The following ERAP2 variants were observed in gnomAD, a reference collection of about 807,000 sequenced individuals.
The protein encoded by ERAP2 is endoplasmic reticulum aminopeptidase 2.
In ERAP2, 118 loss-of-function variants were observed where a neutral mutation model predicts 111.1. The observed-to-expected ratio is 1.06, with a 90% CI of 0.92 to 1.24. The LOEUF (loss-of-function observed/expected upper bound fraction) is 1.24, where lower values mean the gene tolerates loss of function less well. Among genes scored for constraint, ERAP2 ranks in the 50% most tolerant of loss-of-function variants. The probability of loss-of-function intolerance (pLI) is 0.00; values close to 1 mark genes in which losing one functional copy is unlikely to be tolerated. For missense variants in ERAP2, 1,131 were observed against 1,125.8 expected, an observed-to-expected ratio of 1.00 and a Z score of -0.07; for synonymous variants, 410 against 401.2, an observed-to-expected ratio of 1.02 and a Z score of -0.26.
rs373623665 is a variant in ERAP2, at chr5:96,891,499, GTATA to G, written c.971-786_971-783del. Reference sequence around the variant, plus strand: ...TATATATATATGTGTGTGTGTGTGTGTATATATATATATATATGCCCATATACGG... The same window carrying G: ...TATATATATATGTGTGTGTGTGTGTGTATATATATATATGCCCATATACGG... On this transcript the variant is annotated intron_variant, in intron 5 of 18. Transcript: ENST00000437043. 1.0e-3 allele frequency among the ~76,000 whole-genome samples: 144 copies of G among 140,062 alleles called. 2 individuals carry two copies. Among genetic ancestry groups the G allele is most frequent in the African/African-American group, 3.0e-3 (109 of 36,700 alleles). The allele number at this position is 140,062 out of a possible 152,430, so 91.9% of individuals were successfully genotyped here.
rs1784764272 is a variant in ERAP2 at position 96,895,281 on chromosome 5, T to A, written c.1161T>A (p.Asn387Lys). The A allele has an allele frequency of 1.9e-6, 3 of 1,612,760 alleles. No individual in the cohort carries two copies. The highest frequency in any genetic ancestry group is 2.5e-6 in the Non-Finnish European group (3 of 1,179,324). The change falls in exon 7 of 19, where the codon AAT becomes AAA. Residue 387 changes from asparagine to lysine, a missense_variant. Asn to Lys is a moderately conservative substitution (Grantham distance 94, BLOSUM62 0). This residue lies in a region of ERAP2 where 847 missense variants were observed against 856.5 expected (regional missense o/e 0.99). Transcript: ENST00000437043. ...FGNLVTMEWW[N>K]DIWLKEGFAK... ...ACCTGGTCACAATGGAATGGTGGAA[T>A]GATATTTGGCTTAAGGAGGGTTTTG... is the stretch of plus-strand genomic sequence containing the variant.
intron 9 of ERAP2, 82 bp downstream of exon 9, chr5:96,896,945 TA>T: frequency 7.2e-7 from 1 of 1,391,794 alleles, no homozygotes; most frequent in African/African-American, 1.5e-5. Context: ...TAAATAGCTA[TA>T]TATTGTCAGT....
chr5:96,892,811 G>A (rs1784514098), intron 6 of ERAP2, among the ~76,000 whole-genome samples: 1 of 152,108 alleles, frequency 6.6e-6, no homozygotes, highest in Non-Finnish European at 1.5e-5. Flanking sequence ...TATATCCCCT[G>A]GTACTCTGGC....
chr5:96,881,299 A>C (rs1783103751), intron 2 of ERAP2: 1 of 407,638 alleles, frequency 2.5e-6, no homozygotes, highest in Non-Finnish European at 4.9e-6. Context: ...AGTGATGCTA[A>C]TTTGGGCCAG....
Position 96,883,909 on chromosome 5 carries a change from T to G in ERAP2, c.693T>G (p.Ile231Met), listed in dbSNP as rs1364047890. Residue 231 changes from isoleucine to methionine, a missense_variant, in exon 3 of 19, where the codon ATT becomes ATG. This residue lies in a region of ERAP2 where 847 missense variants were observed against 856.5 expected (regional missense o/e 0.99). Transcript: ENST00000437043. ...AGATACGAAGAGAGAGCAGGCATAT[T>G]GCACTATCCAACATGCCAAAGGTAT... Reference protein sequence around the residue: ...SIKIRRESRHIALSNMPKVKT... With the variant: ...SIKIRRESRHMALSNMPKVKT... The G allele has an allele frequency of 1.2e-6, 2 of 1,611,440 alleles. No individual in the cohort carries two copies. Among genetic ancestry groups the G allele is most frequent in the Non-Finnish European group, 1.7e-6 (2 of 1,179,080 alleles).
At chr5:96,910,341 T>C (rs929921801) in intron 15 of ERAP2, 19 of 152,120 alleles carry the variant, frequency 1.2e-4, no homozygotes, top group African/African-American at 4.6e-4. Flanking sequence ...TAACTAAATC[T>C]GTGAGCTTTT....
At position 96,913,332 on chromosome 5, in the gene ERAP2, A is replaced by G; in HGVS notation, c.2532A>G (p.Gly844=). The change falls in exon 17 of 19, where the codon GGA becomes GGG. Residue 844 remains glycine, a synonymous_variant. Transcript: ENST00000437043. ...QEKLLKLIEL[G]MEGKVIKTQN... ...CTTTCTTCAGGTTAATTGAACTAGG[A>G]ATGGAAGGAAAGGTTATCAAGACAC... The G allele has an allele frequency of 6.2e-7, 1 of 1,614,044 alleles. No homozygotes were observed. The highest frequency in any genetic ancestry group is 1.1e-5 in the South Asian group (1 of 91,074).
intron 9 of ERAP2, among the ~76,000 whole-genome samples, chr5:96,899,205 T>C (rs1367974099): frequency 2.0e-5 from 3 of 147,562 alleles, no homozygotes; most frequent in Admixed American, 6.9e-5. Flanking sequence ...ACCAAGTCAG[T>C]GAGAAAATCA....
chr5:96,903,590 A>T (rs1423568), intron 13 of ERAP2, 30 bp downstream of exon 13: 1 of 1,555,936 alleles, frequency 6.4e-7, no homozygotes. Context: ...GACTTCATGC[A>T]AAATAACTGA....
In ERAP2 at chr5:96,895,257, C is replaced by G; in HGVS notation, c.1137C>G (p.Asn379Lys). ...AHELAHQWFG[N>K]LVTMEWWNDI... ...TTTTTACCTCCTAGTGGTTTGGCAACCTGGTCACAATGGAATGGTGGAATG... is the reference window on the plus strand; with the variant it reads ...TTTTTACCTCCTAGTGGTTTGGCAAGCTGGTCACAATGGAATGGTGGAATG... Residue 379 changes from asparagine to lysine, a missense_variant, in exon 7 of 19, where the codon AAC (asparagine) becomes AAG (lysine). Transcript: ENST00000437043. 6.2e-7 allele frequency: 1 copy of G among 1,607,408 alleles called. No homozygotes were observed. Among genetic ancestry groups the G allele is most frequent in the Non-Finnish European group, 8.5e-7 (1 of 1,176,886 alleles).
chr5:96,913,280 C>G, intron 16 of ERAP2, 37 bp from the exon 17 acceptor site: 1 of 1,565,030 alleles, frequency 6.4e-7, no homozygotes, highest in South Asian at 1.1e-5. Flanking sequence ...GTACATAATA[C>G]CTACTATTTA....
chr5:96,879,971 A>G lies in ERAP2; in HGVS notation c.286A>G (p.Lys96Glu), dbSNP rs778973997. ...CTCTCTGGACTTTGTTGCATCTGAGAAGATCGAAGTCTTGGTCAGCAATGC... is the reference window on the plus strand; with the variant it reads ...CTCTCTGGACTTTGTTGCATCTGAGGAGATCGAAGTCTTGGTCAGCAATGC... ...LTSLDFVASE[K>E]IEVLVSNATQ... is the part of the protein sequence containing the mutation. Residue 96 changes from lysine (K) to glutamate (E), a missense_variant, in exon 2 of 19, where the codon AAG becomes GAG. Physicochemically the swap from Lys to Glu is moderately conservative, Grantham distance 56. This residue lies in a region of ERAP2 where 847 missense variants were observed against 856.5 expected (regional missense o/e 0.99). Coordinates refer to ENST00000437043, the MANE Select transcript of ERAP2 (RefSeq NM_022350.5). The G allele has an allele frequency of 1.2e-6, 2 of 1,614,178 alleles. No homozygotes were observed. The highest frequency in any genetic ancestry group is 3.3e-5 in the Admixed American group (2 of 60,012).
chr5:96,882,643 A>G (rs1338160664), intron 2 of ERAP2, among the ~76,000 whole-genome samples: 1 of 152,132 alleles, frequency 6.6e-6, no homozygotes, highest in East Asian at 1.9e-4. Flanking sequence ...TGTTTTTTCA[A>G]TGTAGACTTG....
chr5:96,888,333 G>A (rs1017481543), intron 4 of ERAP2, among the ~76,000 whole-genome samples: 1 of 152,106 alleles, frequency 6.6e-6, no homozygotes, highest in Non-Finnish European at 1.5e-5. Flanking sequence ...GCACTTCAGA[G>A]GACAGGTTCC....
chr5:96,899,633 C>T (rs189956783), intron 9 of ERAP2, among the ~76,000 whole-genome samples: 1 of 152,326 alleles, frequency 6.6e-6, no homozygotes, highest in African/African-American at 2.4e-5. Context: ...ATTGTACACT[C>T]ATCACATGCT....
chr5:96,902,364 A>T lies in ERAP2; in HGVS notation c.1828+11A>T, dbSNP rs752789546. 3.2e-6 allele frequency: 5 copies of T among 1,562,008 alleles called. No individual in the cohort carries two copies. The Admixed American group carries it at 8.4e-5, about 26-fold the overall frequency. On this transcript the variant is annotated intron_variant, in intron 12 of 18. Transcript: ENST00000437043. Reference sequence around the variant, plus strand: ...TAAAATCAAAGACAGGTAATGAACTAATTAGCCAAACAGGTATTTCAATGT... The same window carrying T: ...TAAAATCAAAGACAGGTAATGAACTTATTAGCCAAACAGGTATTTCAATGT...
chr5:96,896,530 A>C lies in ERAP2; in HGVS notation c.1371+26A>C, dbSNP rs193263683. On this transcript the variant is annotated intron_variant, in intron 8 of 18. Coordinates refer to ENST00000437043, the MANE Select transcript of ERAP2 (RefSeq NM_022350.5). ...GTAGTAAATATCAGGTGCAGGTGGAAGCTCTGCTTTCAGAAGTGTAATAAT... is the reference window on the plus strand; with the variant it reads ...GTAGTAAATATCAGGTGCAGGTGGACGCTCTGCTTTCAGAAGTGTAATAAT... 21 of 1,580,752 alleles carry C rather than the reference A, an allele frequency of 1.3e-5. No individual in the cohort carries two copies. The African/African-American group carries it at 3.2e-4, about 24-fold the overall frequency.
chr5:96,908,102 T>C (rs926247682), intron 13 of ERAP2, among the ~76,000 whole-genome samples: 4 of 152,220 alleles, frequency 2.6e-5, no homozygotes, highest in Non-Finnish European at 4.4e-5. Flanking sequence ...TTAAAACATG[T>C]ATAAGCCCAG....
intron 3 of ERAP2, among the ~76,000 whole-genome samples, chr5:96,886,400 C>A (rs368927274): frequency 2.0e-5 from 3 of 152,318 alleles, no homozygotes; most frequent in African/African-American, 7.2e-5. Context: ...TTTCAATCAA[C>A]AAAATGAGAT....
Sources: gnomAD v4.1 joint callset for allele counts (sites outside exome capture counted in the v4.1 genomes callset) on GRCh38, gnomAD v4.1.1 for gene constraint, gnomAD v4.1.1 regional missense constraint, MANE v1.5 for transcripts, NCBI Gene and HGNC (gene_info 2026-07-23, HGNC 2026-07-21) for gene names.